HSPB8: variants seen among roughly 807,000 people sequenced by gnomAD.
The protein encoded by HSPB8 is heat shock protein beta-8.
Under a neutral mutation model 16.5 loss-of-function variants are expected in HSPB8, and 9 were observed. The ratio of observed to expected loss-of-function variants is 0.55; its 90% CI spans 0.33 to 0.95. The LOEUF (loss-of-function observed/expected upper bound fraction) is 0.95. Ranked by LOEUF, HSPB8 falls within the 40% of genes least tolerant of loss-of-function variation. The probability of loss-of-function intolerance (pLI) is 0.03; values close to 1 mark genes in which losing one functional copy is unlikely to be tolerated. For missense variants in HSPB8, 238 were observed against 251.2 expected (o/e 0.95, Z 0.35); for synonymous variants, 99 against 94.8 (o/e 1.04, Z -0.26).
Position 119,179,595 on chromosome 12 carries a change from C to T in HSPB8, c.283C>T (p.Pro95Ser). 6.2e-7 allele frequency: 1 copy of T among 1,609,792 alleles called. No homozygotes were observed. The highest frequency in any genetic ancestry group is 8.5e-7 in the Non-Finnish European group (1 of 1,177,702). The change falls in exon 1 of 3, where the codon CCC (proline) becomes TCC (serine). Residue 95 changes from proline to serine, a missense_variant. Physicochemically the swap from Pro to Ser is moderately conservative, Grantham distance 74. Transcript: ENST00000281938. ...GACCCCCCCACCCTTCCCTGGGGAG[C>T]CCTGGAAAGTGTGTGTGAATGTGCA... is the stretch of plus-strand genomic sequence containing the variant. ...GRTPPPFPGE[P>S]WKVCVNVHSF...
At chr12:119,188,683 C>T (rs1954692463) in intron 2 of HSPB8, among the ~76,000 whole-genome samples, 1 of 152,176 alleles carries the variant, frequency 6.6e-6, no homozygotes, top group Non-Finnish European at 1.5e-5. Flanking sequence ...AAGGTCTTTA[C>T]AGCTAGAATT....
chr12:119,189,893 AC>A (rs1409546380), intron 2 of HSPB8, among the ~76,000 whole-genome samples: 3 of 151,982 alleles, frequency 2.0e-5, no homozygotes, highest in African/African-American at 7.3e-5. Context: ...GGGTCCCAGG[AC>A]CCTCCTCCAT....
At chr12:119,186,407 G>A (rs1050471870) in intron 1 of HSPB8, among the ~76,000 whole-genome samples, 1 of 152,190 alleles carries the variant, frequency 6.6e-6, no homozygotes, top group African/African-American at 2.4e-5. Context: ...GAGGCATCAG[G>A]ACCTAGAACT....
chr12:119,191,402 A>AT (rs1954711242), intron 2 of HSPB8, among the ~76,000 whole-genome samples: 1 of 152,040 alleles, frequency 6.6e-6, no homozygotes, highest in African/African-American at 2.4e-5. Flanking sequence ...ATTGGGAGGG[A>AT]GGTCTAAACT....
At chr12:119,184,752 T>TG (rs34951946) in intron 1 of HSPB8, among the ~76,000 whole-genome samples, 9,304 of 152,280 alleles carry the variant, frequency 0.061, 385 homozygotes, top group East Asian at 0.22. Context: ...TAGGGCGGCC[T>TG]GGTGTGAGGT....
rs1954661278 is a variant in HSPB8, at chr12:119,184,505, C to T, written c.368-2520C>T. Among the ~76,000 whole-genome samples the T allele has an allele frequency of 2.0e-5, 3 of 152,166 alleles. No homozygotes were observed. In the South Asian group the frequency reaches 6.2e-4, roughly 32 times the overall value. ...TGGCTGTGGGGAGGGTACCAAAGAA[C>T]AGACAGTGCTCTTCTGGGCACAGGC... On this transcript the variant is annotated intron_variant, in intron 1 of 2. Coordinates refer to ENST00000281938, the MANE Select transcript of HSPB8 (RefSeq NM_014365.3).
intron 1 of HSPB8, among the ~76,000 whole-genome samples, chr12:119,185,631 C>CTAT (rs56785067): frequency 0.041 from 6,163 of 151,202 alleles, 436 homozygotes; most frequent in African/African-American, 0.14. Context: ...CACGCCCTGC[C>CTAT]TATTATTATT....
rs1396053299 is a variant in HSPB8 at position 119,179,478 on chromosome 12, C to A, written c.166C>A (p.Leu56Ile). 1 of 1,614,098 alleles carries A rather than the reference C, an allele frequency of 6.2e-7. No individual in the cohort carries two copies. The highest frequency in any genetic ancestry group is 8.5e-7 in the Non-Finnish European group (1 of 1,180,036). Reference sequence around the variant, plus strand: ...TTGGCCCGACTGGGCTCTGCCTCGTCTCTCCTCCGCCTGGCCAGGCACCCT... The same window carrying A: ...TTGGCCCGACTGGGCTCTGCCTCGTATCTCCTCCGCCTGGCCAGGCACCCT... ...ASWPDWALPR[L>I]SSAWPGTLRS... The change falls in exon 1 of 3, where the codon CTC becomes ATC. Residue 56 changes from leucine (L) to isoleucine (I), a missense_variant. Transcript: ENST00000281938.
In HSPB8 at chr12:119,178,989, A is replaced by C; in HGVS notation, c.-324A>C. ...TATTAAGCTCCTGGCTCCGCTCTAG[A>C]CCTCAGCGGTTCTGGCTGCCAGCCT... On this transcript the variant is annotated 5_prime_UTR_variant, in exon 1 of 3. Transcript: ENST00000281938. The C allele has an allele frequency of 2.2e-6, 1 of 460,524 alleles. No individual in the cohort carries two copies. The highest frequency in any genetic ancestry group is 4.4e-5 in the East Asian group (1 of 22,482). The allele number at this position is 460,524 out of a possible 1,614,324, so 28.5% of individuals were successfully genotyped here.
At chr12:119,186,363 C>T (rs999688929) in intron 1 of HSPB8, among the ~76,000 whole-genome samples, 1 of 152,030 alleles carries the variant, frequency 6.6e-6, no homozygotes, top group African/African-American at 2.4e-5. Flanking sequence ...AAGAGCTAAT[C>T]GGGAGCTGGA....
At chr12:119,181,987 C>T (rs1247444918) in intron 1 of HSPB8, 1 of 152,202 alleles carries the variant, frequency 6.6e-6, no homozygotes, top group Non-Finnish European at 1.5e-5. Flanking sequence ...ATGCTTCTAG[C>T]CCAAGTCCAA....
intron 1 of HSPB8, among the ~76,000 whole-genome samples, chr12:119,185,484 C>T (rs1471294569): frequency 6.6e-6 from 1 of 152,136 alleles, no homozygotes; most frequent in East Asian, 1.9e-4. Flanking sequence ...TAGGCACGTG[C>T]CACCATGTCC....
intron 1 of HSPB8, among the ~76,000 whole-genome samples, chr12:119,185,325 TA>T (rs1368459355): frequency 6.6e-6 from 1 of 151,522 alleles, no homozygotes; most frequent in Non-Finnish European, 1.5e-5. Flanking sequence ...TGGATAATAA[TA>T]ATAATAGTAA....
intron 1 of HSPB8, among the ~76,000 whole-genome samples, chr12:119,184,604 C>T (rs931025131): frequency 6.6e-6 from 1 of 152,182 alleles, no homozygotes; most frequent in African/African-American, 2.4e-5. Context: ...GCCACACATT[C>T]ACAGGATAGC....
intron 1 of HSPB8, among the ~76,000 whole-genome samples, chr12:119,185,402 C>T (rs1394449631): frequency 6.6e-6 from 1 of 152,046 alleles, no homozygotes; most frequent in South Asian, 2.1e-4. Context: ...GGCGCGATCT[C>T]GCCTCACTGC....
At chr12:119,187,165 C>T in intron 2 of HSPB8, 77 bp downstream of exon 2, 3 of 1,189,924 alleles carry the variant, frequency 2.5e-6, no homozygotes, top group East Asian at 2.3e-5. Context: ...TCTGGGGTCT[C>T]TCCCTCTTGG....
chr12:119,182,510 C>G (rs1457650963), intron 1 of HSPB8, among the ~76,000 whole-genome samples: 1 of 151,842 alleles, frequency 6.6e-6, no homozygotes, highest in African/African-American at 2.4e-5. Flanking sequence ...TGGTGGTGAG[C>G]GCCTGTAATC....
At chr12:119,187,365 T>C (rs1954683563) in intron 2 of HSPB8, among the ~76,000 whole-genome samples, 2 of 152,274 alleles carry the variant, frequency 1.3e-5, no homozygotes, top group Non-Finnish European at 2.9e-5. Context: ...TATTTATTTA[T>C]TTATCTTGAG....
intron 2 of HSPB8, among the ~76,000 whole-genome samples, chr12:119,192,333 AC>A (rs1321831324): frequency 1.3e-5 from 2 of 151,840 alleles, no homozygotes; most frequent in African/African-American, 4.8e-5. Flanking sequence ...CAATACTCCA[AC>A]CAAGTATTGT....
Sources: gnomAD v4.1 joint callset for allele counts (sites outside exome capture counted in the v4.1 genomes callset) on GRCh38, gnomAD v4.1.1 for gene constraint, MANE v1.5 for transcripts, NCBI Gene and HGNC (gene_info 2026-07-23, HGNC 2026-07-21) for gene names.